GSS: variants seen among roughly 807,000 people sequenced by gnomAD.
The protein encoded by GSS is GSH synthetase.
GSS carries 34 observed loss-of-function variants against 60.4 expected under a neutral mutation model. The observed-to-expected ratio is 0.56, with a 90% CI of 0.43 to 0.75. The LOEUF (loss-of-function observed/expected upper bound fraction) is 0.75. Among genes scored for constraint, GSS ranks in the 30% least tolerant of loss-of-function variants. The pLI is 0.00. For synonymous variants in GSS, 224 were observed against 239.0 expected (o/e 0.94, Z 0.58); for missense variants, 499 against 595.1 (o/e 0.84, Z 1.68).
chr20:34,929,049 A>G, intron 12 of GSS, 98 bp from the exon 13 acceptor site: 1 of 1,438,188 alleles, frequency 7.0e-7, no homozygotes, highest in Non-Finnish European at 9.8e-7. Flanking sequence ...GTAACTGTCT[A>G]TACCAAGAAA....
At position 34,931,952 on chromosome 20, in the gene GSS, T is replaced by C; in HGVS notation, c.1016A>G (p.Tyr339Cys). The stretch of plus-strand genomic sequence containing the variant: ...CTGCCCACGTACCACATCCAGTGAG[T>C]AGAGGCCAGCAAAGGTGGCGCGGAG... ...ARLRATFAGL[Y>C]SLDVGEEGDQ... is the part of the protein sequence containing the mutation. The change falls in exon 10 of 13, where the codon TAC becomes TGC. Residue 339 changes from tyrosine (Y) to cysteine (C), a missense_variant. Coordinates refer to ENST00000651619, the MANE Select transcript of GSS (RefSeq NM_000178.4). The C allele has an allele frequency of 2.5e-6, 4 of 1,613,930 alleles. No individual in the cohort carries two copies. Among genetic ancestry groups the C allele is most frequent in the Non-Finnish European group, 3.4e-6 (4 of 1,179,944 alleles).
intron 6 of GSS, 145 bp from the exon 7 acceptor site, chr20:34,937,168 AACCTTGAGATT>A: frequency 1.4e-6 from 1 of 689,714 alleles, no homozygotes; most frequent in Non-Finnish European, 2.6e-6. Context: ...CTCTCTCAGG[AACCTTGAGATT>A]ACCTCAGGCA....
intron 12 of GSS, chr20:34,929,183 T>C (rs1167366050): frequency 8.7e-6 from 6 of 689,968 alleles, no homozygotes; most frequent in Non-Finnish European, 1.5e-5. Flanking sequence ...AAAGGACTTC[T>C]CATCAGGGCT....
chr20:34,935,285 A>C (rs1414530586), intron 9 of GSS, among the ~76,000 whole-genome samples: 1 of 152,264 alleles, frequency 6.6e-6, no homozygotes, highest in Non-Finnish European at 1.5e-5. Flanking sequence ...GAACTGGCTT[A>C]TATCAACCAG....
chr20:34,948,322 T>C (rs2081539069), intron 2 of GSS, among the ~76,000 whole-genome samples: 1 of 152,206 alleles, frequency 6.6e-6, no homozygotes, highest in East Asian at 1.9e-4. Context: ...AGTCTCATCT[T>C]GGCCTCAAAA....
chr20:34,937,906 G>A (rs1050486358), intron 6 of GSS, among the ~76,000 whole-genome samples: 2 of 152,054 alleles, frequency 1.3e-5, no homozygotes, highest in Admixed American at 6.5e-5. Context: ...TGCCCAGGCT[G>A]GAGTGCAGTG....
In GSS at chr20:34,936,758, C is replaced by A. The variant is rs777461203; in HGVS notation, c.767+5G>T. On this transcript the variant is annotated splice_donor_5th_base_variant and intron_variant, in intron 8 of 12. Coordinates refer to ENST00000651619, the MANE Select transcript of GSS (RefSeq NM_000178.4). Reference sequence around the variant, plus strand: ...GCCTTCCACTGGATTCTTGGGAATGCTTACACAAACAGCCTTCGGTCTTGG... The same window carrying A: ...GCCTTCCACTGGATTCTTGGGAATGATTACACAAACAGCCTTCGGTCTTGG... The A allele has an allele frequency of 8.7e-6, 14 of 1,604,800 alleles. No homozygotes were observed. Among genetic ancestry groups the A allele is most frequent in the Non-Finnish European group, 1.2e-5 (14 of 1,171,478 alleles).
chr20:34,935,253 A>G (rs6141521), intron 9 of GSS, among the ~76,000 whole-genome samples: 1,926 of 152,332 alleles, frequency 0.013, 112 homozygotes, highest in East Asian at 0.12. Context: ...TGGCAGGAAA[A>G]AAAATGGTCA....
chr20:34,948,936 T>C (rs910172281), intron 2 of GSS, among the ~76,000 whole-genome samples: 1 of 152,226 alleles, frequency 6.6e-6, no homozygotes, highest in African/African-American at 2.4e-5. Context: ...CAGCCAGAAC[T>C]CTGCTCTAGC....
chr20:34,930,180 C>T (rs2147121004), intron 11 of GSS, among the ~76,000 whole-genome samples: 1 of 151,578 alleles, frequency 6.6e-6, no homozygotes, highest in South Asian at 2.1e-4. Context: ...GCAGGAGAAT[C>T]GCTTGAACCT....
chr20:34,950,991 C>T (rs2147136095), intron 2 of GSS, among the ~76,000 whole-genome samples: 1 of 151,972 alleles, frequency 6.6e-6, no homozygotes, highest in East Asian at 1.9e-4. Context: ...CTCAGCAGTT[C>T]TACTTTTACG....
intron 1 of GSS, among the ~76,000 whole-genome samples, chr20:34,953,940 TAAAAGAG>T (rs2081590436): frequency 6.6e-6 from 1 of 151,888 alleles, no homozygotes; most frequent in South Asian, 2.1e-4. Context: ...CTGTGTGGAT[TAAAAGAG>T]AAAAATCAGT....
chr20:34,938,771 C>T (rs942226404), intron 6 of GSS, among the ~76,000 whole-genome samples: 1 of 152,226 alleles, frequency 6.6e-6, no homozygotes, highest in African/African-American at 2.4e-5. Flanking sequence ...CTGAGCAGTT[C>T]TCAGCAGTCT....
chr20:34,935,421 C>T (rs1414828526), intron 9 of GSS, among the ~76,000 whole-genome samples, 155 bp downstream of exon 9: 1 of 151,986 alleles, frequency 6.6e-6, no homozygotes, highest in East Asian at 1.9e-4. Context: ...TAGCAAAAGG[C>T]TTGAGGGAGG....
intron 2 of GSS, among the ~76,000 whole-genome samples, chr20:34,947,727 C>G (rs1231478149): frequency 6.6e-6 from 1 of 151,800 alleles, no homozygotes; most frequent in Non-Finnish European, 1.5e-5. Context: ...TTATTCTACT[C>G]TTAGGATATA....
intron 10 of GSS, 86 bp from the exon 11 acceptor site, chr20:34,931,503 T>A (rs1230999303): frequency 3.8e-6 from 4 of 1,054,952 alleles, no homozygotes; most frequent in African/African-American, 3.1e-5. Flanking sequence ...CAGAGCAGCA[T>A]CAGAGGAAGA....
At position 34,928,861 on chromosome 20, in the gene GSS, T is replaced by C. The variant is rs755075656; in HGVS notation, c.1392A>G (p.Gly464=). 1 of 1,614,050 alleles carries C rather than the reference T, an allele frequency of 6.2e-7. No individual in the cohort carries two copies. Reference sequence around the variant, plus strand: ...GGTATGGGTTGTCCAGGACTGCCACTCCCGCTGCCACACCACCATCTGCAT... The same window carrying C: ...GGTATGGGTTGTCCAGGACTGCCACCCCCGCTGCCACACCACCATCTGCAT... ...IEHADGGVAA[G]VAVLDNPYPV The change falls in exon 13 of 13, where the codon GGA becomes GGG. Residue 464 remains glycine, a synonymous_variant. Coordinates refer to ENST00000651619, the MANE Select transcript of GSS (RefSeq NM_000178.4).
Position 34,941,792 on chromosome 20 carries a change from C to A in GSS, c.529G>T (p.Gly177Cys), listed in dbSNP as rs754422306. ...LSVLSKTKEA[G>C]KILSNNPSKG... ...CTGGGATTATTAGAGAGGATCTTGCCAGCTTCTTTGGTCTTACTCAGGACA... is the reference window on the plus strand; with the variant it reads ...CTGGGATTATTAGAGAGGATCTTGCAAGCTTCTTTGGTCTTACTCAGGACA... Residue 177 changes from glycine to cysteine, a missense_variant, in exon 6 of 13, where the codon GGC becomes TGC. Gly to Cys is a radical substitution (Grantham distance 159). Coordinates refer to ENST00000651619, the MANE Select transcript of GSS (RefSeq NM_000178.4). The A allele has an allele frequency of 3.7e-6, 6 of 1,611,150 alleles. No homozygotes were observed. The East Asian group carries it at 1.1e-4, about 30-fold the overall frequency.
rs2081518996 is a variant in GSS, at chr20:34,946,006, C to A, written c.222G>T (p.Leu74=). The change falls in exon 3 of 13, where the codon CTG becomes CTT. Residue 74 remains leucine, a synonymous_variant. Transcript: ENST00000651619. ...QAYAVQMDFN[L]LVDAVSQNAA... is the part of the protein sequence containing the mutation. ...CGTTCTGGCTGACAGCATCCACTAG[C>A]AGGTTGAAGTCCATCTGCACAGCAT... 5 of 1,614,054 alleles carry A rather than the reference C, an allele frequency of 3.1e-6. No individual in the cohort carries two copies. The highest frequency in any genetic ancestry group is 4.2e-6 in the Non-Finnish European group (5 of 1,180,014).
Sources: gnomAD v4.1 joint callset for allele counts (sites outside exome capture counted in the v4.1 genomes callset) on GRCh38, gnomAD v4.1.1 for gene constraint, MANE v1.5 for transcripts, NCBI Gene and HGNC (gene_info 2026-07-23, HGNC 2026-07-21) for gene names.